The following EBF2 variants were observed in gnomAD, a reference collection of about 807,000 sequenced individuals.
EBF2 encodes the protein transcription factor COE2.
In EBF2, 21 loss-of-function variants were observed where a neutral mutation model predicts 72.8. That is an observed-to-expected ratio of 0.29 (90% CI 0.20 to 0.42). The LOEUF is 0.42. EBF2 is among the 10% of genes least tolerant of loss of function. EBF2 has a pLI of 1.00. For missense variants in EBF2, 637 were observed against 731.2 expected (o/e 0.87, Z 1.49); for synonymous variants, 299 against 274.2 (o/e 1.09, Z -0.89).
chr8:25,903,479 A>C (rs1172456638), intron 7 of EBF2, among the ~76,000 whole-genome samples: 2 of 152,122 alleles, frequency 1.3e-5, no homozygotes, highest in Non-Finnish European at 2.9e-5. Flanking sequence ...GTGGATCACG[A>C]GGTCAGGAAA....
intron 6 of EBF2, among the ~76,000 whole-genome samples, chr8:25,998,041 T>A (rs10086613): frequency 6.6e-6 from 1 of 152,198 alleles, no homozygotes; most frequent in Non-Finnish European, 1.5e-5. Flanking sequence ...CTCTTGCTCT[T>A]TGGCAAACAA....
At chr8:25,859,734 T>TTTTG (rs1183390975) in intron 13 of EBF2, among the ~76,000 whole-genome samples, 12 of 151,106 alleles carry the variant, frequency 7.9e-5, no homozygotes, top group African/African-American at 3.0e-4. Flanking sequence ...TTTTTTTTTT[T>TTTTG]GAGACAAGAT....
At position 25,924,691 on chromosome 8, in the gene EBF2, CAGAGA is replaced by C. The variant is rs142064823; in HGVS notation, c.552-16141_552-16137del. Among the ~76,000 whole-genome samples, 263 of 152,292 alleles carry C rather than the reference CAGAGA, an allele frequency of 1.7e-3. 2 individuals are homozygous for C. The highest frequency in any genetic ancestry group is 6.1e-3 in the African/African-American group (255 of 41,566). On this transcript the variant is annotated intron_variant, in intron 6 of 15. Coordinates refer to ENST00000520164, the MANE Select transcript of EBF2 (RefSeq NM_022659.4). ...GAACCAACACAGATAGCTTTGTTCG[CAGAGA>C]AAACAGGGCCAAATGGCTTTCATTA... is the stretch of plus-strand genomic sequence containing the variant.
chr8:25,912,053 CG>C (rs935639066), intron 6 of EBF2, among the ~76,000 whole-genome samples: 2 of 152,080 alleles, frequency 1.3e-5, no homozygotes, highest in African/African-American at 4.8e-5. Context: ...CAATCCTGCA[CG>C]GTCCAGCAGC....
At chr8:25,957,202 CA>C (rs1375205446) in intron 6 of EBF2, among the ~76,000 whole-genome samples, 1 of 152,158 alleles carries the variant, frequency 6.6e-6, no homozygotes, top group Non-Finnish European at 1.5e-5. Flanking sequence ...ATTTCCCCCC[CA>C]AGAGCAAATC....
chr8:25,851,745 T>C (rs915679229), intron 14 of EBF2, among the ~76,000 whole-genome samples: 3 of 152,202 alleles, frequency 2.0e-5, no homozygotes, highest in Non-Finnish European at 4.4e-5. Context: ...AGCCCAGCAG[T>C]GCTATTTCTT....
In EBF2 at chr8:25,863,035, TATAC is replaced by T. The variant is rs201753833; in HGVS notation, c.1010-242_1010-239del. ...TTATAATTATCATTTCTGCTTTAAGTATACATAAACTTCTCTGCTATCAAATAAA... is the reference window on the plus strand; with the variant it reads ...TTATAATTATCATTTCTGCTTTAAGTATAAACTTCTCTGCTATCAAATAAA... On this transcript the variant is annotated intron_variant, in intron 10 of 15. Transcript: ENST00000520164. Among the ~76,000 whole-genome samples, 1,273 of 150,714 alleles carry T rather than the reference TATAC, an allele frequency of 8.4e-3. 25 individuals carry two copies. Among genetic ancestry groups the T allele is most frequent in the African/African-American group, 0.028 (1,157 of 40,976 alleles).
Position 25,844,175 on chromosome 8 carries a change from T to C in EBF2, c.*434A>G, listed in dbSNP as rs1242937535. 1 of 156,342 alleles carries C rather than the reference T, an allele frequency of 6.4e-6. No individual in the cohort carries two copies. Among genetic ancestry groups the C allele is most frequent in the Non-Finnish European group, 1.4e-5 (1 of 70,284 alleles). The allele number at this position is 156,342 out of a possible 1,614,324, so 9.7% of individuals were successfully genotyped here. ...GGTACCCTGTTTTGTTCAATTTTTT[T>C]CTGCATAAACTAAATTGGTATCTGA... On this transcript the variant is annotated 3_prime_UTR_variant, in exon 16 of 16. Coordinates refer to ENST00000520164, the MANE Select transcript of EBF2 (RefSeq NM_022659.4).
chr8:25,996,915 T>C (rs1377285015), intron 6 of EBF2, among the ~76,000 whole-genome samples: 1 of 152,200 alleles, frequency 6.6e-6, no homozygotes, highest in African/African-American at 2.4e-5. Flanking sequence ...AATCATGTGC[T>C]AATAAGTATA....
At chr8:25,849,810 T>TA (rs1172568592) in intron 15 of EBF2, among the ~76,000 whole-genome samples, 2 of 152,224 alleles carry the variant, frequency 1.3e-5, no homozygotes, top group Non-Finnish European at 2.9e-5. Context: ...CACAACCCCC[T>TA]AATCAGGCAC....
intron 6 of EBF2, among the ~76,000 whole-genome samples, chr8:25,909,686 T>G (rs1160836532): frequency 6.6e-6 from 1 of 152,182 alleles, no homozygotes; most frequent in Non-Finnish European, 1.5e-5. Flanking sequence ...TTTTATTTTT[T>G]GTTTAACAAT....
chr8:25,844,462 A>C lies in EBF2; in HGVS notation c.*147T>G, dbSNP rs1193928250. The C allele has an allele frequency of 1.2e-6, 1 of 822,586 alleles. No individual in the cohort carries two copies. Among genetic ancestry groups the C allele is most frequent in the African/African-American group, 1.7e-5 (1 of 59,178 alleles). 51.0% of individuals were successfully genotyped at this position (822,586 alleles called of 1,614,324 possible). On this transcript the variant is annotated 3_prime_UTR_variant, in exon 16 of 16. Coordinates refer to ENST00000520164, the MANE Select transcript of EBF2 (RefSeq NM_022659.4). Reference sequence around the variant, plus strand: ...AGAGCTATAGGAGGACGTGGGACCAAGTAAGATGCTGGCTCCTTGCAGACC... The same window carrying C: ...AGAGCTATAGGAGGACGTGGGACCACGTAAGATGCTGGCTCCTTGCAGACC...
At chr8:25,848,138 A>G (rs927315217) in intron 15 of EBF2, among the ~76,000 whole-genome samples, 6 of 152,302 alleles carry the variant, frequency 3.9e-5, no homozygotes, top group Middle Eastern at 3.4e-3. Context: ...ATCTGGGACT[A>G]TAGGTGTGTG....
Position 25,843,061 on chromosome 8 carries a change from C to A in EBF2, c.*1548G>T, listed in dbSNP as rs912402430. ...GATTACATAAGCTTTCAAGAATCAA[C>A]CACTGTTAGCAGCTAAGGCAAGGTT... On this transcript the variant is annotated 3_prime_UTR_variant, in exon 16 of 16. Coordinates refer to ENST00000520164, the MANE Select transcript of EBF2 (RefSeq NM_022659.4). 6.6e-6 allele frequency: 1 copy of A among 152,120 alleles called. No individual in the cohort carries two copies. Among genetic ancestry groups the A allele is most frequent in the African/African-American group, 2.4e-5 (1 of 41,436 alleles). The allele number at this position is 152,120 out of a possible 1,614,324, so 9.4% of individuals were successfully genotyped here.
At chr8:25,931,503 G>A (rs550646119) in intron 6 of EBF2, among the ~76,000 whole-genome samples, 1 of 152,116 alleles carries the variant, frequency 6.6e-6, no homozygotes, top group Non-Finnish European at 1.5e-5. Context: ...GGCATAGAGA[G>A]AATAATTCAC....
At chr8:25,976,300 A>T (rs1391138516) in intron 6 of EBF2, among the ~76,000 whole-genome samples, 5 of 152,220 alleles carry the variant, frequency 3.3e-5, no homozygotes, top group African/African-American at 1.2e-4. Context: ...GGAGATCCGT[A>T]AAATTTTGCC....
chr8:25,919,683 T>C (rs1331711005), intron 6 of EBF2, among the ~76,000 whole-genome samples: 1 of 152,222 alleles, frequency 6.6e-6, no homozygotes, highest in East Asian at 1.9e-4. Context: ...GTTGAGAAAG[T>C]TGAAAAGTAC....
At position 25,844,486 on chromosome 8, in the gene EBF2, C is replaced by A; in HGVS notation, c.*123G>T. On this transcript the variant is annotated 3_prime_UTR_variant, in exon 16 of 16. Transcript: ENST00000520164. ...AAGTAAGATGCTGGCTCCTTGCAGA[C>A]CCAAGGGTGTCCATCATGTTCATGT... The A allele has an allele frequency of 1.8e-6, 2 of 1,138,972 alleles. No homozygotes were observed. Among genetic ancestry groups the A allele is most frequent in the Admixed American group, 1.8e-5 (1 of 56,176 alleles). 70.6% of individuals were successfully genotyped at this position (1,138,972 alleles called of 1,614,324 possible).
chr8:25,892,060 G>A (rs756323045), intron 7 of EBF2, among the ~76,000 whole-genome samples: 4 of 152,068 alleles, frequency 2.6e-5, no homozygotes, highest in Non-Finnish European at 5.9e-5. Flanking sequence ...TTATCCAAGA[G>A]GTCTATGCTC....
Sources: allele counts gnomAD v4.1 joint callset (sites outside exome capture counted in the v4.1 genomes callset), GRCh38; gene constraint gnomAD v4.1.1; transcripts MANE v1.5; gene names NCBI Gene and HGNC (gene_info 2026-07-23, HGNC 2026-07-21).